The following CALD1 variants were observed in gnomAD, a reference collection of about 807,000 sequenced individuals.
CALD1 encodes caldesmon 1.
A neutral mutation model predicts 99.9 loss-of-function variants in CALD1; 33 were observed. That is an observed-to-expected ratio of 0.33 (90% CI 0.25 to 0.44). The LOEUF (loss-of-function observed/expected upper bound fraction) is 0.44. Ranked by LOEUF, CALD1 falls within the 20% of genes least tolerant of loss-of-function variation. CALD1 has a pLI of 1.00. For missense variants in CALD1, 861 were observed against 962.1 expected (o/e 0.89, Z 1.39); for synonymous variants, 310 against 325.0 (o/e 0.95, Z 0.50).
At chr7:134,967,753 T>C (rs1296454213) in intron 14 of CALD1, among the ~76,000 whole-genome samples, 12 of 151,870 alleles carry the variant, frequency 7.9e-5, no homozygotes, top group Non-Finnish European at 1.5e-5. Flanking sequence ...CTCTAAATGC[T>C]ATAAGCAAGG....
chr7:134,819,859 T>C (rs768478850), intron 1 of CALD1, among the ~76,000 whole-genome samples: 18 of 150,254 alleles, frequency 1.2e-4, no homozygotes, highest in Non-Finnish European at 2.5e-4. Context: ...CTAGGCAACA[T>C]AGTGACAATC....
intron 1 of CALD1, among the ~76,000 whole-genome samples, chr7:134,758,564 G>A (rs938430918): frequency 2.0e-5 from 3 of 150,930 alleles, no homozygotes; most frequent in African/African-American, 7.3e-5. Context: ...CAGTGGAGAA[G>A]TTACTAATTG....
chr7:134,742,911 A>G (rs145588720), upstream of CALD1, among the ~76,000 whole-genome samples: 427 of 152,296 alleles, frequency 2.8e-3, 4 homozygotes, highest in African/African-American at 9.6e-3. Flanking sequence ...GAGTACTGAT[A>G]GTGGGAAGAG....
intron 2 of CALD1, among the ~76,000 whole-genome samples, chr7:134,853,993 G>A (rs959600463): frequency 6.6e-6 from 1 of 151,820 alleles, no homozygotes; most frequent in Non-Finnish European, 1.5e-5. Flanking sequence ...TTAGTTTGCT[G>A]AGAATGATGG....
At chr7:134,856,260 G>A (rs192796540) in intron 2 of CALD1, among the ~76,000 whole-genome samples, 158 of 152,264 alleles carry the variant, frequency 1.0e-3, no homozygotes, top group African/African-American at 3.4e-3. Context: ...AAGTGGCACC[G>A]GAAGTTTCTA....
chr7:134,909,640 G>A (rs1304528523), intron 3 of CALD1, among the ~76,000 whole-genome samples: 3 of 152,106 alleles, frequency 2.0e-5, no homozygotes, highest in Non-Finnish European at 4.4e-5. Flanking sequence ...CCAAGATCAC[G>A]CCATTGCACT....
At chr7:134,809,438 T>A (rs1289977529) in intron 1 of CALD1, among the ~76,000 whole-genome samples, 1 of 152,056 alleles carries the variant, frequency 6.6e-6, no homozygotes, top group Non-Finnish European at 1.5e-5. Context: ...AAGATAGGGG[T>A]GAGGGGTGGG....
intron 7 of CALD1, among the ~76,000 whole-genome samples, chr7:134,942,906 G>A (rs1416641880): frequency 6.6e-6 from 1 of 152,058 alleles, no homozygotes; most frequent in Admixed American, 6.6e-5. Flanking sequence ...AATCCAAAAA[G>A]CTGGGTAATT....
At chr7:134,832,190 C>G (rs544522699) in intron 1 of CALD1, among the ~76,000 whole-genome samples, 1 of 152,298 alleles carries the variant, frequency 6.6e-6, no homozygotes, top group Non-Finnish European at 1.5e-5. Flanking sequence ...TCATTTTTGT[C>G]TCTTAATATG....
intron 1 of CALD1, 53 bp from the exon 2 acceptor site, chr7:134,843,831 A>G (rs1199167626): frequency 1.3e-5 from 2 of 152,222 alleles, no homozygotes; most frequent in Non-Finnish European, 2.9e-5. Context: ...TATAGTCTGT[A>G]TTAGCTAAAA....
intron 1 of CALD1, among the ~76,000 whole-genome samples, chr7:134,837,192 C>T (rs966401303): frequency 2.0e-5 from 3 of 152,042 alleles, no homozygotes; most frequent in Non-Finnish European, 4.4e-5. Context: ...AAGAATTGAG[C>T]CATTCTACTT....
chr7:134,950,819 G>A (rs1371933902), intron 9 of CALD1, among the ~76,000 whole-genome samples: 1 of 152,120 alleles, frequency 6.6e-6, no homozygotes, highest in African/African-American at 2.4e-5. Context: ...AGCCGGACGT[G>A]GTGGCACACA....
intron 2 of CALD1, among the ~76,000 whole-genome samples, chr7:134,848,110 C>G (rs757909098): frequency 6.6e-6 from 1 of 151,036 alleles, no homozygotes; most frequent in Non-Finnish European, 1.5e-5. Flanking sequence ...AAAAAAAAAG[C>G]CCTAAGACAT....
chr7:134,729,747 C>T, the CALD1 span, among the ~76,000 whole-genome samples: 1 of 152,214 alleles, frequency 6.6e-6, no homozygotes, highest in African/African-American at 2.4e-5. Context: ...AGAAGAAAGG[C>T]AGAGGACAGG....
chr7:134,811,863 T>C (rs1367315134), intron 1 of CALD1, among the ~76,000 whole-genome samples: 1 of 152,140 alleles, frequency 6.6e-6, no homozygotes, highest in East Asian at 1.9e-4. Context: ...ACATTAAGAA[T>C]GTGACATCCA....
At chr7:134,832,075 C>T (rs927120095) in intron 1 of CALD1, among the ~76,000 whole-genome samples, 2 of 152,234 alleles carry the variant, frequency 1.3e-5, no homozygotes, top group South Asian at 2.1e-4. Flanking sequence ...GCCCTTCTTA[C>T]GCTTGAGAAA....
At chr7:134,771,891 T>TTTC (rs1235416058) in intron 1 of CALD1, among the ~76,000 whole-genome samples, 1 of 152,140 alleles carries the variant, frequency 6.6e-6, no homozygotes, top group Non-Finnish European at 1.5e-5. Flanking sequence ...GACTACCCTG[T>TTTC]TTCTCCCTAT....
chr7:134,768,831 A>G (rs1452767074), intron 1 of CALD1, among the ~76,000 whole-genome samples: 1 of 152,156 alleles, frequency 6.6e-6, no homozygotes, highest in Non-Finnish European at 1.5e-5. Context: ...TAATTTCAAG[A>G]GCAGTACCAT....
chr7:134,932,517 G>A (rs146582864), intron 4 of CALD1, among the ~76,000 whole-genome samples: 2 of 152,316 alleles, frequency 1.3e-5, no homozygotes, highest in East Asian at 1.9e-4. Flanking sequence ...GGTGATGCTA[G>A]GAAACACTGG....
Sources: gnomAD v4.1 joint callset for allele counts (sites outside exome capture counted in the v4.1 genomes callset) on GRCh38, gnomAD v4.1.1 for gene constraint, MANE v1.5 for transcripts, NCBI Gene and HGNC (gene_info 2026-07-23, HGNC 2026-07-21) for gene names.